Variants in DACH2 observed in about 807,000 individuals in gnomAD.
DACH2 encodes dachshund homolog 2.
Under a neutral mutation model 35.8 loss-of-function variants are expected in DACH2, and 17 were observed. That is an observed-to-expected ratio of 0.48 (90% confidence interval 0.33 to 0.71). The LOEUF (loss-of-function observed/expected upper bound fraction) is 0.71. Among genes scored for constraint, DACH2 ranks in the 30% least tolerant of loss-of-function variants. DACH2 has a pLI of 0.02. For synonymous variants in DACH2, 195 were observed against 177.3 expected (o/e 1.10, Z -0.79); for missense variants, 469 against 472.7 (o/e 0.99, Z 0.07).
intron 1 of DACH2, among the ~76,000 whole-genome samples, chrX:86,312,124 T>C (rs1057452433): frequency 8.9e-6 from 1 of 112,213 alleles, no homozygotes; most frequent in Admixed American, 9.4e-5. Flanking sequence ...TACAATTATG[T>C]ACCGGCTGCA....
At chrX:86,450,411 T>G (rs1299854032) in intron 2 of DACH2, among the ~76,000 whole-genome samples, 1 of 111,795 alleles carries the variant, frequency 8.9e-6, no homozygotes, top group African/African-American at 3.3e-5. Flanking sequence ...TTTTTTTCTT[T>G]TTGTGGCTAC....
Position 86,398,662 on chromosome X carries a change from A to C in DACH2, c.527+21800A>C, listed in dbSNP as rs758240980. On this transcript the variant is annotated intron_variant, in intron 2 of 11. Coordinates refer to ENST00000373125, the MANE Select transcript of DACH2 (RefSeq NM_053281.3). ...TTCGTTATGTACCCAGTGGTTATTC[A>C]GGGGCAGGTTGTTCAGTTTCCATGT... Among the ~76,000 whole-genome samples the C allele has an allele frequency of 8.0e-5, 9 of 112,042 alleles. 1 individual carries two copies. In the South Asian group the frequency reaches 3.0e-3, roughly 37 times the overall value.
intron 4 of DACH2, among the ~76,000 whole-genome samples, chrX:86,679,634 G>A (rs1034727928): frequency 3.7e-5 from 4 of 107,465 alleles, no homozygotes; most frequent in African/African-American, 1.4e-4. Flanking sequence ...GTGTGTGTGT[G>A]TGTGTGTGTG....
chrX:86,306,168 A>G (rs1246550558), intron 1 of DACH2, among the ~76,000 whole-genome samples: 1 of 112,343 alleles, frequency 8.9e-6, no homozygotes, highest in African/African-American at 3.2e-5. Context: ...AGCACTATTT[A>G]TATTAGCCAA....
At chrX:86,523,181 G>T (rs997611239) in intron 3 of DACH2, among the ~76,000 whole-genome samples, 4 of 111,749 alleles carry the variant, frequency 3.6e-5, no homozygotes, top group African/African-American at 1.3e-4. Flanking sequence ...AGCCCATGAA[G>T]ATTCAATTCA....
intron 2 of DACH2, among the ~76,000 whole-genome samples, chrX:86,391,615 A>G (rs552425461): frequency 1.5e-4 from 17 of 111,492 alleles, no homozygotes; most frequent in Middle Eastern, 4.6e-3. Context: ...TTTTGTAAGG[A>G]TAAAAATCCA....
intron 3 of DACH2, among the ~76,000 whole-genome samples, chrX:86,529,080 T>C (rs1001223380): frequency 2.7e-5 from 3 of 112,416 alleles, no homozygotes; most frequent in African/African-American, 9.7e-5. Context: ...TGTCTTGCTC[T>C]GTCACATAGG....
intron 2 of DACH2, among the ~76,000 whole-genome samples, chrX:86,501,140 C>T (rs1027638562): frequency 1.8e-5 from 2 of 112,404 alleles, no homozygotes; most frequent in Admixed American, 1.9e-4. Flanking sequence ...TAACACCTTT[C>T]CTTTGCTGCC....
At chrX:86,445,542 A>G in intron 2 of DACH2, among the ~76,000 whole-genome samples, 1 of 84,609 alleles carries the variant, frequency 1.2e-5, no homozygotes, top group African/African-American at 4.6e-5. Context: ...AGAAAAAAAA[A>G]AAAGAAACTA....
At chrX:86,641,377 T>C (rs1247538247) in intron 3 of DACH2, among the ~76,000 whole-genome samples, 1 of 111,460 alleles carries the variant, frequency 9.0e-6, no homozygotes, top group East Asian at 2.8e-4. Context: ...ACTGGTTCTC[T>C]GAAATAAGAC....
chrX:86,648,472 A>G (rs2040439835), intron 3 of DACH2, among the ~76,000 whole-genome samples: 1 of 111,360 alleles, frequency 9.0e-6, no homozygotes, highest in African/African-American at 3.2e-5. Flanking sequence ...TCCTGAGGAT[A>G]AGAATTTAAT....
chrX:86,400,700 G>T (rs956147543), intron 2 of DACH2, among the ~76,000 whole-genome samples: 1 of 111,626 alleles, frequency 9.0e-6, no homozygotes, highest in African/African-American at 3.3e-5. Flanking sequence ...AGCGGATATT[G>T]GTGAACCGCA....
chrX:86,801,359 T>G (rs989143695), intron 7 of DACH2, among the ~76,000 whole-genome samples: 1 of 111,108 alleles, frequency 9.0e-6, no homozygotes, highest in Non-Finnish European at 1.9e-5. Context: ...GCATCCTGAA[T>G]AGCTGGAACT....
intron 1 of DACH2, among the ~76,000 whole-genome samples, chrX:86,293,927 T>C (rs972739696): frequency 1.4e-4 from 16 of 111,129 alleles, no homozygotes; most frequent in Non-Finnish European, 2.8e-4. Context: ...TCGAGGAGTA[T>C]CTTTGTGGCA....
intron 6 of DACH2, among the ~76,000 whole-genome samples, chrX:86,725,868 T>C (rs1338255620): frequency 2.7e-5 from 3 of 111,065 alleles, no homozygotes; most frequent in African/African-American, 9.8e-5. Flanking sequence ...AGTTGTGGTA[T>C]TGGTAGATTG....
intron 8 of DACH2, 45 bp from the exon 9 acceptor site, chrX:86,813,085 A>G (rs754960157): frequency 4.4e-5 from 52 of 1,173,324 alleles, no homozygotes; most frequent in Middle Eastern, 2.4e-4. Context: ...TTGATAAATT[A>G]AAACAGATAA....
rs745402765 is a variant in DACH2, at chrX:86,168,654, AT to A, written c.488+19552del. On this transcript the variant is annotated intron_variant, in intron 1 of 11. Coordinates refer to ENST00000373125, the MANE Select transcript of DACH2 (RefSeq NM_053281.3). ...GATATAATTCAGTTTTTTGCTTTTT[AT>A]TTTTTGTGTCTCTTTTGCATGTCTT... Among the ~76,000 whole-genome samples the A allele has an allele frequency of 1.0e-4, 10 of 96,529 alleles. No homozygotes were observed. In the South Asian group the frequency reaches 3.2e-3, roughly 31 times the overall value. The allele number at this position is 96,529 out of a possible 115,157, so 83.8% of individuals were successfully genotyped here. A position where few individuals can be genotyped will look rare whatever the true frequency, so the allele number is the denominator to read the frequency against.
chrX:86,483,541 A>T (rs1453444400), intron 2 of DACH2, among the ~76,000 whole-genome samples: 1 of 111,369 alleles, frequency 9.0e-6, no homozygotes, highest in Non-Finnish European at 1.9e-5. Flanking sequence ...GCTAAGAAAG[A>T]CTTGCCAGGC....
intron 6 of DACH2, among the ~76,000 whole-genome samples, chrX:86,729,873 G>A (rs1259781955): frequency 9.0e-6 from 1 of 111,496 alleles, no homozygotes; most frequent in Non-Finnish European, 1.9e-5. Flanking sequence ...AGACACGAGT[G>A]CTATGCTTCC....
Sources: allele counts gnomAD v4.1 joint callset (sites outside exome capture counted in the v4.1 genomes callset), GRCh38; gene constraint gnomAD v4.1.1; transcripts MANE v1.5; gene names NCBI Gene and HGNC (gene_info 2026-07-23, HGNC 2026-07-21).